ST6GALNAC3: variants seen among roughly 807,000 people sequenced by gnomAD.
ST6GALNAC3 encodes alpha-N-acetylgalactosaminide alpha-2,6-sialyltransferase 3.
Under a neutral mutation model 32.7 loss-of-function variants are expected in ST6GALNAC3, and 25 were observed. The observed-to-expected ratio is 0.76, with a 90% CI of 0.56 to 1.07. The LOEUF (loss-of-function observed/expected upper bound fraction) is 1.07, where lower values mean the gene tolerates loss of function less well. ST6GALNAC3 is among the 50% of genes least tolerant of loss of function. The pLI is 0.00. For missense variants in ST6GALNAC3, 355 were observed against 382.4 expected, an observed-to-expected ratio of 0.93 and a Z score of 0.60; for synonymous variants, 129 against 133.1, an observed-to-expected ratio of 0.97 and a Z score of 0.21.
chr1:76,112,938 C>T (rs1284434941), intron 1 of ST6GALNAC3, among the ~76,000 whole-genome samples: 1 of 152,084 alleles, frequency 6.6e-6, no homozygotes, highest in African/African-American at 2.4e-5. Context: ...GACGGGGTGG[C>T]GGCCGGGCAG....
intron 2 of ST6GALNAC3, among the ~76,000 whole-genome samples, chr1:76,346,666 G>A (rs1648544765): frequency 6.6e-6 from 1 of 152,142 alleles, no homozygotes. Context: ...TGAGATAGAT[G>A]TGGCTTCCAA....
At chr1:76,184,208 G>T (rs954190654) in intron 1 of ST6GALNAC3, among the ~76,000 whole-genome samples, 1 of 151,984 alleles carries the variant, frequency 6.6e-6, no homozygotes, top group Non-Finnish European at 1.5e-5. Flanking sequence ...CTTTATTAAA[G>T]GTAAGTCAGC....
At chr1:76,084,159 G>A (rs1646935048) in intron 1 of ST6GALNAC3, among the ~76,000 whole-genome samples, 1 of 152,210 alleles carries the variant, frequency 6.6e-6, no homozygotes, top group Non-Finnish European at 1.5e-5. Context: ...AGCGTAAGGG[G>A]CTGCAGAAAG....
At chr1:76,388,683 AACT>A (rs1251174507) in intron 2 of ST6GALNAC3, among the ~76,000 whole-genome samples, 16 of 152,150 alleles carry the variant, frequency 1.1e-4, no homozygotes, top group Admixed American at 1.0e-3. Flanking sequence ...AGCTTCAGTG[AACT>A]GATTGCAAGG....
chr1:76,225,838 A>AT (rs1331131500), intron 1 of ST6GALNAC3, among the ~76,000 whole-genome samples: 7 of 152,138 alleles, frequency 4.6e-5, no homozygotes, highest in East Asian at 3.9e-4. Flanking sequence ...TTAAGAGCCC[A>AT]TTTTTTTGCT....
In ST6GALNAC3 at chr1:76,297,988, C is replaced by G. The variant is rs574049530; in HGVS notation, c.19-15817C>G. On this transcript the variant is annotated intron_variant, in intron 1 of 4. Coordinates refer to ENST00000328299, the MANE Select transcript of ST6GALNAC3 (RefSeq NM_152996.4). ...GTTTTGTACAGAAAAAAAAACTATA[C>G]TAATATATGTGGCAATTGAAAAGTA... Among the ~76,000 whole-genome samples the G allele has an allele frequency of 2.6e-5, 4 of 151,830 alleles. No individual in the cohort carries two copies. The East Asian group carries it at 5.8e-4, about 22-fold the overall frequency.
downstream of ST6GALNAC3, chr1:76,637,053 A>G (rs1021707396): frequency 1.3e-5 from 2 of 152,212 alleles, no homozygotes; most frequent in African/African-American, 4.8e-5. Flanking sequence ...CTCACTATCC[A>G]TAAGTCCATG....
At chr1:76,153,566 G>C (rs959867309) in intron 1 of ST6GALNAC3, among the ~76,000 whole-genome samples, 6 of 152,148 alleles carry the variant, frequency 3.9e-5, no homozygotes, top group Admixed American at 3.9e-4. Context: ...GCTATTCCTT[G>C]TTCACTTTAA....
intron 1 of ST6GALNAC3, chr1:76,307,935 G>A (rs1226973591): frequency 3.9e-6 from 2 of 514,296 alleles, no homozygotes; most frequent in African/African-American, 1.9e-5. Flanking sequence ...CCACTCTAAA[G>A]AGCAAGCAGC....
intron 3 of ST6GALNAC3, among the ~76,000 whole-genome samples, chr1:76,486,693 T>G (rs1299290402): frequency 1.3e-5 from 2 of 152,190 alleles, no homozygotes; most frequent in African/African-American, 4.8e-5. Flanking sequence ...TGCCAGTCTG[T>G]GTCTTTTAAT....
intron 3 of ST6GALNAC3, among the ~76,000 whole-genome samples, chr1:76,488,532 A>G (rs1275348911): frequency 1.3e-5 from 2 of 152,228 alleles, no homozygotes; most frequent in Non-Finnish European, 2.9e-5. Flanking sequence ...AAACCAGGGT[A>G]AGCTTAGATC....
At chr1:76,620,509 G>A (rs553830877) in intron 3 of ST6GALNAC3, among the ~76,000 whole-genome samples, 1 of 152,166 alleles carries the variant, frequency 6.6e-6, no homozygotes, top group East Asian at 1.9e-4. Context: ...CAGGGTACCA[G>A]CATTACAGGT....
rs750254813 is a variant in ST6GALNAC3, at chr1:76,313,908, G to T, written c.122G>T (p.Gly41Val). ...TTCCCATTGCTACTAAACTGCTTTGGACAACCTGGTACAAAGTGGATACCA... is the reference window on the plus strand; with the variant it reads ...TTCCCATTGCTACTAAACTGCTTTGTACAACCTGGTACAAAGTGGATACCA... Reference protein sequence around the residue: ...VNFPLLLNCFGQPGTKWIPFS... With the variant: ...VNFPLLLNCFVQPGTKWIPFS... Residue 41 changes from glycine (G) to valine (V), a missense_variant, in exon 2 of 5, where the codon GGA (glycine) becomes GTA (valine). Transcript: ENST00000328299. The T allele has an allele frequency of 1.9e-6, 3 of 1,613,568 alleles. No individual in the cohort carries two copies. The South Asian group carries it at 3.3e-5, about 18-fold the overall frequency.
intron 3 of ST6GALNAC3, among the ~76,000 whole-genome samples, chr1:76,563,363 C>T (rs1665357724): frequency 6.6e-6 from 1 of 152,234 alleles, no homozygotes; most frequent in East Asian, 1.9e-4. Context: ...CTGGGAGAGG[C>T]AGGTGCCTGA....
chr1:76,280,738 T>G (rs1476843167), intron 1 of ST6GALNAC3, among the ~76,000 whole-genome samples: 1 of 152,246 alleles, frequency 6.6e-6, no homozygotes, highest in Non-Finnish European at 1.5e-5. Flanking sequence ...AATCTCAGAT[T>G]CGTCATTTAC....
At chr1:76,565,620 G>A (rs2100457033) in intron 3 of ST6GALNAC3, among the ~76,000 whole-genome samples, 1 of 152,332 alleles carries the variant, frequency 6.6e-6, no homozygotes, top group Non-Finnish European at 1.5e-5. Flanking sequence ...TATGCCAGAT[G>A]TGTGCTTCAG....
At chr1:76,313,586 A>G in intron 1 of ST6GALNAC3, 1 of 661,918 alleles carries the variant, frequency 1.5e-6, no homozygotes, top group East Asian at 2.9e-5. Context: ...ATGCAATGGA[A>G]GAGTTCAAGA....
chr1:76,271,728 C>T (rs575932725), intron 1 of ST6GALNAC3, among the ~76,000 whole-genome samples: 45 of 152,308 alleles, frequency 3.0e-4, no homozygotes, highest in African/African-American at 1.0e-3. Context: ...AAAGACTACT[C>T]TGGCTGCTTT....
chr1:76,587,049 T>C (rs1485998392), intron 3 of ST6GALNAC3, among the ~76,000 whole-genome samples: 1 of 152,228 alleles, frequency 6.6e-6, no homozygotes, highest in Non-Finnish European at 1.5e-5. Flanking sequence ...GATGCAATGC[T>C]TTAACACTGA....
Sources: allele counts gnomAD v4.1 joint callset (sites outside exome capture counted in the v4.1 genomes callset), GRCh38; gene constraint gnomAD v4.1.1; transcripts MANE v1.5; gene names NCBI Gene and HGNC (gene_info 2026-07-23, HGNC 2026-07-21).